The following WWOX variants were observed in gnomAD, a reference collection of about 807,000 sequenced individuals.
The protein encoded by WWOX is WW domain containing oxidoreductase, also known as WW domain-containing oxidoreductase.
In WWOX, 69 loss-of-function variants were observed where a neutral mutation model predicts 46.2. The observed-to-expected ratio is 1.49, with a 90% confidence interval of 1.23 to 1.82. The LOEUF (loss-of-function observed/expected upper bound fraction) is 1.82. Among genes scored for constraint, WWOX ranks in the 40% most tolerant of loss-of-function variants. The probability of loss-of-function intolerance (pLI) is 0.00; values close to 1 mark genes in which losing one functional copy is unlikely to be tolerated. For synonymous variants in WWOX, 359 were observed against 202.6 expected (o/e 1.77, Z -6.56); for missense variants, 919 against 542.6 (o/e 1.69, Z -6.89).
At chr16:78,468,586 G>C (rs1010730696) in intron 8 of WWOX, among the ~76,000 whole-genome samples, 3 of 152,112 alleles carry the variant, frequency 2.0e-5, no homozygotes, top group African/African-American at 4.8e-5. Context: ...GGGAGTGCTA[G>C]GGTAAGTGGA....
intron 8 of WWOX, among the ~76,000 whole-genome samples, chr16:79,142,659 G>C (rs755502311): frequency 6.6e-6 from 1 of 151,990 alleles, no homozygotes; most frequent in African/African-American, 2.4e-5. Flanking sequence ...TTTTTTCAAC[G>C]TTAATAGAAA....
chr16:78,902,037 C>T (rs756566313), intron 8 of WWOX, among the ~76,000 whole-genome samples: 1 of 152,198 alleles, frequency 6.6e-6, no homozygotes, highest in African/African-American at 2.4e-5. Flanking sequence ...ACACAAATTA[C>T]TGGGTTGGCG....
chr16:78,643,033 T>G (rs2046757200), intron 8 of WWOX, among the ~76,000 whole-genome samples: 1 of 152,160 alleles, frequency 6.6e-6, no homozygotes, highest in African/African-American at 2.4e-5. Context: ...AAGTAAATGT[T>G]AGTGCTACTA....
chr16:79,100,310 A>G lies in WWOX; in HGVS notation c.1057-111298A>G, dbSNP rs969443952. Among the ~76,000 whole-genome samples the G allele has an allele frequency of 2.6e-5, 4 of 152,192 alleles. No individual in the cohort carries two copies. The East Asian group carries it at 7.7e-4, about 29-fold the overall frequency. The stretch of plus-strand genomic sequence containing the variant: ...TTGATAGGATGTCTGATTTTTCTGA[A>G]TTTTTGTTCCTAAAACATAAGATTA... On this transcript the variant is annotated intron_variant, in intron 8 of 8. Coordinates refer to ENST00000566780, the MANE Select transcript of WWOX (RefSeq NM_016373.4).
intron 8 of WWOX, among the ~76,000 whole-genome samples, chr16:79,210,426 G>A (rs16949952): frequency 0.019 from 2,959 of 152,260 alleles, 106 homozygotes; most frequent in African/African-American, 0.068. Context: ...TGGTCACAAT[G>A]TAAACCCTGC....
At chr16:79,062,495 C>T (rs546424252) in intron 8 of WWOX, among the ~76,000 whole-genome samples, 5 of 152,204 alleles carry the variant, frequency 3.3e-5, no homozygotes, top group Admixed American at 1.3e-4. Flanking sequence ...GCAAACTATG[C>T]GATTATCCCC....
intron 4 of WWOX, among the ~76,000 whole-genome samples, chr16:78,152,465 C>A (rs981050227): frequency 6.6e-6 from 1 of 152,134 alleles, no homozygotes; most frequent in Admixed American, 6.5e-5. Context: ...ATAGCTATGT[C>A]CCAACTGCCC....
chr16:78,786,470 G>A (rs1238979379), intron 8 of WWOX, among the ~76,000 whole-genome samples: 3 of 152,178 alleles, frequency 2.0e-5, no homozygotes, highest in Non-Finnish European at 2.9e-5. Context: ...TAGAAGTCAT[G>A]AGTTTTGAGT....
At chr16:78,893,643 C>T (rs1015942714) in intron 8 of WWOX, among the ~76,000 whole-genome samples, 3 of 152,268 alleles carry the variant, frequency 2.0e-5, no homozygotes, top group Non-Finnish European at 4.4e-5. Context: ...TGTTTTCTTC[C>T]TTGCCTGGGA....
rs184321566 is a variant in WWOX, at chr16:78,789,980, C to G, written c.1056+357228C>G. ...CCTCTCCAAGCCTCAGTTTCCCTGA[C>G]TATAAAATGCTAACAATAGTTGTTC... On this transcript the variant is annotated intron_variant, in intron 8 of 8. Coordinates refer to ENST00000566780, the MANE Select transcript of WWOX (RefSeq NM_016373.4). 3.2e-3 allele frequency among the ~76,000 whole-genome samples: 481 copies of G among 152,310 alleles called. 1 individual carries two copies. Among genetic ancestry groups the G allele is most frequent in the African/African-American group, 0.011 (463 of 41,568 alleles).
At chr16:78,720,872 A>G (rs184762850) in intron 8 of WWOX, among the ~76,000 whole-genome samples, 60 of 152,266 alleles carry the variant, frequency 3.9e-4, no homozygotes, top group African/African-American at 1.3e-3. Context: ...AAGATGGATT[A>G]AAATTAATTT....
intron 8 of WWOX, among the ~76,000 whole-genome samples, chr16:79,069,492 A>G (rs911135278): frequency 3.3e-5 from 5 of 152,098 alleles, no homozygotes; most frequent in African/African-American, 1.2e-4. Flanking sequence ...GGAACTAAGA[A>G]CCGACTTATT....
At chr16:78,895,055 C>G (rs947186665) in intron 8 of WWOX, among the ~76,000 whole-genome samples, 1 of 152,144 alleles carries the variant, frequency 6.6e-6, no homozygotes, top group East Asian at 1.9e-4. Context: ...CTTGGTAGTA[C>G]GATTAGGAAA....
intron 8 of WWOX, among the ~76,000 whole-genome samples, chr16:78,986,009 T>G (rs1331282154): frequency 6.6e-6 from 1 of 152,172 alleles, no homozygotes; most frequent in Non-Finnish European, 1.5e-5. Flanking sequence ...CCAATTTTCC[T>G]TGAGGAGGGG....
At chr16:78,531,367 A>G (rs1219975175) in intron 8 of WWOX, among the ~76,000 whole-genome samples, 1 of 152,172 alleles carries the variant, frequency 6.6e-6, no homozygotes, top group Non-Finnish European at 1.5e-5. Context: ...TCCTTAGGTT[A>G]GAATGGTTCT....
chr16:78,464,489 T>A (rs536614015), intron 8 of WWOX, among the ~76,000 whole-genome samples: 1 of 152,274 alleles, frequency 6.6e-6, no homozygotes, highest in South Asian at 2.1e-4. Context: ...TATCACAAAC[T>A]ACTAGGATTT....
intron 4 of WWOX, among the ~76,000 whole-genome samples, chr16:78,122,027 A>C (rs1446343854): frequency 1.3e-5 from 2 of 152,102 alleles, no homozygotes; most frequent in African/African-American, 4.8e-5. Flanking sequence ...TAATTTTGAG[A>C]GAGAGAGAGT....
Position 79,161,759 on chromosome 16 carries a change from T to A in WWOX, c.1057-49849T>A, listed in dbSNP as rs369872447. ...GTCTCAAACTCGTGACCTCAAGCAA[T>A]CCACCCGCCTTGGCCTGCCAAAGTG... On this transcript the variant is annotated intron_variant, in intron 8 of 8. Coordinates refer to ENST00000566780, the MANE Select transcript of WWOX (RefSeq NM_016373.4). 2.0e-5 allele frequency among the ~76,000 whole-genome samples: 3 copies of A among 152,200 alleles called. No individual in the cohort carries two copies. The East Asian group carries it at 5.8e-4, about 29-fold the overall frequency.
intron 5 of WWOX, among the ~76,000 whole-genome samples, chr16:78,345,982 A>G (rs4887958): frequency 0.85 from 101,182 of 118,930 alleles, 47,479 homozygotes; most frequent in African/African-American, 0.95. Flanking sequence ...GAACATTTAC[A>G]TCACCTCAAA....
Sources: allele counts gnomAD v4.1 joint callset (sites outside exome capture counted in the v4.1 genomes callset), GRCh38; gene constraint gnomAD v4.1.1; transcripts MANE v1.5; gene names NCBI Gene and HGNC (gene_info 2026-07-23, HGNC 2026-07-21).